CHD6: variants seen among roughly 807,000 people sequenced by gnomAD.
CHD6 encodes the protein ATP-dependent chromatin remodeler CHD6.
In CHD6, 50 loss-of-function variants were observed where a neutral mutation model predicts 276.9. The observed-to-expected ratio is 0.18, with a 90% CI of 0.14 to 0.23. The LOEUF is 0.23. CHD6 is among the 10% of genes least tolerant of loss of function. CHD6 has a pLI of 1.00. For missense variants in CHD6, 2,564 were observed against 3,365.8 expected (o/e 0.76, Z 5.89); for synonymous variants, 1,173 against 1,229.3 (o/e 0.95, Z 0.96).
chr20:41,416,728 T>A lies in CHD6; in HGVS notation c.6346A>T (p.Ser2116Cys). 1 of 1,613,188 alleles carries A rather than the reference T, an allele frequency of 6.2e-7. No individual in the cohort carries two copies. The highest frequency in any genetic ancestry group is 8.5e-7 in the Non-Finnish European group (1 of 1,179,424). The change falls in exon 33 of 37, where the codon AGC becomes TGC. Residue 2116 changes from serine to cysteine, a missense_variant. This residue lies in a region of CHD6 where 1,024 missense variants were observed against 1,047.9 expected (regional missense o/e 0.98). Transcript: ENST00000373233. ...GTGCCTGAGGGCTCATACTGCTGGC[T>A]AGAGGGCCACTTCCCCTTTAACACC... ...HVVLKGKWPS[S>C]QQYEPSGTLP...
At chr20:41,613,911 G>C (rs1764062560) in intron 1 of CHD6, among the ~76,000 whole-genome samples, 1 of 151,798 alleles carries the variant, frequency 6.6e-6, no homozygotes, top group African/African-American at 2.4e-5. Flanking sequence ...AGGATAAAAA[G>C]CTTAAACCTT....
At chr20:41,612,324 C>T (rs1236635271) in intron 1 of CHD6, among the ~76,000 whole-genome samples, 1 of 152,074 alleles carries the variant, frequency 6.6e-6, no homozygotes, top group Non-Finnish European at 1.5e-5. Flanking sequence ...TCATTAATGA[C>T]CTCTTTCATA....
At chr20:41,584,356 G>A (rs990918849) in intron 1 of CHD6, among the ~76,000 whole-genome samples, 19 of 152,136 alleles carry the variant, frequency 1.2e-4, no homozygotes, top group African/African-American at 4.6e-4. Context: ...TCACAGAATT[G>A]TAAGGAGAAA....
chr20:41,437,496 TG>T (rs1267241078), intron 26 of CHD6, among the ~76,000 whole-genome samples, 162 bp from the exon 27 acceptor site: 1 of 152,206 alleles, frequency 6.6e-6, no homozygotes, highest in Non-Finnish European at 1.5e-5. Context: ...TACAGTATAT[TG>T]TTATAATTGT....
intron 17 of CHD6, among the ~76,000 whole-genome samples, chr20:41,469,508 AAAG>A (rs1452701993): frequency 6.6e-6 from 1 of 152,220 alleles, no homozygotes; most frequent in Non-Finnish European, 1.5e-5. Flanking sequence ...TCCTAAGAAG[AAAG>A]AAGACAAAAA....
intron 1 of CHD6, among the ~76,000 whole-genome samples, chr20:41,611,755 A>G (rs913073613): frequency 1.3e-5 from 2 of 152,090 alleles, no homozygotes; most frequent in African/African-American, 4.8e-5. Context: ...CTCCTGCCTC[A>G]GCCTCTGGTG....
At chr20:41,569,257 G>A (rs2045391063) in intron 1 of CHD6, among the ~76,000 whole-genome samples, 1 of 152,286 alleles carries the variant, frequency 6.6e-6, no homozygotes, top group African/African-American at 2.4e-5. Flanking sequence ...CAGGCAATAA[G>A]CAGAATATTT....
intron 1 of CHD6, among the ~76,000 whole-genome samples, chr20:41,563,100 T>C (rs1568704459): frequency 6.6e-6 from 1 of 152,230 alleles, no homozygotes; most frequent in Non-Finnish European, 1.5e-5. Flanking sequence ...GTAAAAGCTC[T>C]GTTACCCTGC....
chr20:41,451,773 G>T, intron 22 of CHD6, 53 bp downstream of exon 22: 2 of 1,490,540 alleles, frequency 1.3e-6, no homozygotes, highest in Admixed American at 1.7e-5. Context: ...GAGGAAGAGG[G>T]GATGAAGTGC....
intron 27 of CHD6, among the ~76,000 whole-genome samples, chr20:41,430,590 G>C (rs111257879): frequency 0.01 from 1,575 of 152,366 alleles, 22 homozygotes; most frequent in African/African-American, 0.029. Context: ...TTAGCTCTGT[G>C]ATCTAGTGGT....
chr20:41,421,455 T>C lies in CHD6; in HGVS notation c.5180A>G (p.Asn1727Ser), dbSNP rs536606058. The C allele has an allele frequency of 7.4e-6, 12 of 1,614,178 alleles. No individual in the cohort carries two copies. The highest frequency in any genetic ancestry group is 1.6e-4 in the Middle Eastern group (1 of 6,062). The stretch of plus-strand genomic sequence containing the variant: ...AATAACATCTTTTCTAGATTCAGTA[T>C]TGGTACTTGGGCTCTCCTGAAAAGA... ...PSSFQESPST[N>S]TESRKDVITI... The change falls in exon 31 of 37, where the codon AAT becomes AGT. Residue 1727 changes from asparagine to serine, a missense_variant. Physicochemically the swap from Asn to Ser is conservative, Grantham distance 46. Around this residue, in one of 7 missense-constraint regions of CHD6, gnomAD observed 1,024 missense variants for 1,047.9 expected, o/e 0.98. Transcript: ENST00000373233.
At chr20:41,462,401 C>A (rs117897730) in intron 17 of CHD6, among the ~76,000 whole-genome samples, 1,709 of 152,304 alleles carry the variant, frequency 0.011, 18 homozygotes, top group Non-Finnish European at 0.019. Context: ...CTCTCCCCAG[C>A]CACTTAGGGA....
At chr20:41,616,847 T>G (rs1304431539) in intron 1 of CHD6, among the ~76,000 whole-genome samples, 2 of 152,138 alleles carry the variant, frequency 1.3e-5, no homozygotes, top group Non-Finnish European at 2.9e-5. Context: ...CAACCTGATT[T>G]TCCAATTTGG....
chr20:41,572,462 G>A (rs755640686), intron 1 of CHD6, among the ~76,000 whole-genome samples: 2 of 152,104 alleles, frequency 1.3e-5, no homozygotes, highest in Non-Finnish European at 2.9e-5. Context: ...GCCTCCTGAT[G>A]GCCTCTGCTG....
intron 27 of CHD6, among the ~76,000 whole-genome samples, chr20:41,433,651 C>G (rs1326661895): frequency 6.6e-6 from 1 of 151,942 alleles, no homozygotes; most frequent in Non-Finnish European, 1.5e-5. Context: ...AAAGAAGGAA[C>G]CTTGGAACAC....
At chr20:41,505,147 CTTAGTATT>C (rs1383460151) in intron 5 of CHD6, among the ~76,000 whole-genome samples, 8 of 152,242 alleles carry the variant, frequency 5.3e-5, no homozygotes, top group African/African-American at 1.9e-4. Context: ...AGGTTTTGAG[CTTAGTATT>C]TTAGTCTTCT....
intron 36 of CHD6, among the ~76,000 whole-genome samples, chr20:41,405,838 G>A (rs768306774): frequency 1.3e-5 from 2 of 152,084 alleles, no homozygotes; most frequent in Non-Finnish European, 2.9e-5. Context: ...TCTGGTTCTC[G>A]GTGAGACTGT....
At chr20:41,614,082 A>T (rs1294790347) in intron 1 of CHD6, among the ~76,000 whole-genome samples, 1 of 152,184 alleles carries the variant, frequency 6.6e-6, no homozygotes, top group African/African-American at 2.4e-5. Flanking sequence ...TATATTAAAA[A>T]TTTAACTACT....
intron 1 of CHD6, among the ~76,000 whole-genome samples, chr20:41,555,350 C>CCGGG (rs2045214129): frequency 7.0e-6 from 1 of 142,426 alleles, no homozygotes; most frequent in African/African-American, 2.6e-5. Flanking sequence ...GGGCGGCCGG[C>CCGGG]CGGGCGGGGG....
Sources: allele counts gnomAD v4.1 joint callset (sites outside exome capture counted in the v4.1 genomes callset), GRCh38; gene constraint gnomAD v4.1.1; regional missense constraint gnomAD v4.1.1; transcripts MANE v1.5; gene names NCBI Gene and HGNC (gene_info 2026-07-23, HGNC 2026-07-21).